SUMF1: variants seen among roughly 807,000 people sequenced by gnomAD.
SUMF1 encodes formylglycine-generating enzyme.
In SUMF1, 48 loss-of-function variants were observed where a neutral mutation model predicts 47.6. That is an observed-to-expected ratio of 1.01 (90% CI 0.80 to 1.28). The LOEUF (loss-of-function observed/expected upper bound fraction) is 1.28, where lower values mean the gene tolerates loss of function less well. Ranked by LOEUF, SUMF1 falls within the 50% of genes most tolerant of loss-of-function variation. The pLI, the probability that SUMF1 is intolerant of heterozygous loss-of-function variation, is 0.00. For synonymous variants in SUMF1, 230 were observed against 192.1 expected, an observed-to-expected ratio of 1.20 and a Z score of -1.63; for missense variants, 571 against 485.4, an observed-to-expected ratio of 1.18 and a Z score of -1.66.
At chr3:4,303,347 G>C in intron 8 of SUMF1, 1 of 1,530,294 alleles carries the variant, frequency 6.5e-7, no homozygotes, top group Non-Finnish European at 8.7e-7. Flanking sequence ...TGTCAGGGTA[G>C]TGGGCGTTGC....
intron 8 of SUMF1, among the ~76,000 whole-genome samples, chr3:4,129,891 G>C (rs748856614): frequency 1.3e-5 from 2 of 152,110 alleles, no homozygotes; most frequent in African/African-American, 2.4e-5. Flanking sequence ...CCCAGTGTCA[G>C]AATGCATAAT....
chr3:4,190,366 C>T (rs1201062830), intron 8 of SUMF1, among the ~76,000 whole-genome samples: 3 of 151,970 alleles, frequency 2.0e-5, no homozygotes, highest in East Asian at 3.9e-4. Flanking sequence ...CACATTACCA[C>T]GTAGGCTTGC....
At chr3:4,235,697 C>T (rs1237531452) in intron 8 of SUMF1, among the ~76,000 whole-genome samples, 1 of 152,012 alleles carries the variant, frequency 6.6e-6, no homozygotes, top group Admixed American at 6.6e-5. Context: ...GAACCTCATG[C>T]CCTCATATTT....
chr3:4,414,544 T>G (rs1701646114), intron 6 of SUMF1: 1 of 152,248 alleles, frequency 6.6e-6, no homozygotes, highest in South Asian at 2.1e-4. Flanking sequence ...TAAACACAGA[T>G]GGCAGCTGTC....
At chr3:4,267,603 G>C (rs1427920531) in intron 8 of SUMF1, among the ~76,000 whole-genome samples, 1 of 152,040 alleles carries the variant, frequency 6.6e-6, no homozygotes, top group African/African-American at 2.4e-5. Flanking sequence ...CTCAAAAGAA[G>C]ACATTTATGC....
intron 8 of SUMF1, among the ~76,000 whole-genome samples, chr3:4,217,992 T>C (rs144923956): frequency 1.3e-5 from 2 of 152,228 alleles, no homozygotes; most frequent in East Asian, 1.9e-4. Context: ...TTCAGTTTAA[T>C]ATCATGTTAT....
At chr3:4,185,561 G>T (rs1695184098) in intron 8 of SUMF1, among the ~76,000 whole-genome samples, 1 of 152,106 alleles carries the variant, frequency 6.6e-6, no homozygotes, top group African/African-American at 2.4e-5. Flanking sequence ...TCTCTAAACT[G>T]GGATAGCACA....
intron 9 of SUMF1, among the ~76,000 whole-genome samples, chr3:4,064,047 T>A (rs1337205800): frequency 6.6e-6 from 1 of 152,084 alleles, no homozygotes; most frequent in Admixed American, 6.6e-5. Context: ...AATGGCCCTG[T>A]CAGAGGCATT....
intron 8 of SUMF1, among the ~76,000 whole-genome samples, chr3:4,071,265 T>A (rs1455341112): frequency 6.6e-6 from 1 of 152,132 alleles, no homozygotes; most frequent in African/African-American, 2.4e-5. Context: ...CATTTCCAAC[T>A]GAGGAACCTG....
chr3:4,342,881 C>T (rs1395494978), intron 8 of SUMF1, among the ~76,000 whole-genome samples: 1 of 152,210 alleles, frequency 6.6e-6, no homozygotes, highest in South Asian at 2.1e-4. Flanking sequence ...TCCTGGCAAC[C>T]TCTTTCCTCT....
rs1559312295 is a variant in SUMF1, at chr3:4,456,714, A to ATATGTGTG, written c.271-3666_271-3665insCACACATA. ...TGTGTATATATATATACGTATATAT[A>ATATGTGTG]TACATATATATACGTGTGTATATAT... On this transcript the variant is annotated intron_variant, in intron 1 of 8. Coordinates refer to ENST00000272902, the MANE Select transcript of SUMF1 (RefSeq NM_182760.4). Among the ~76,000 whole-genome samples, 694 of 133,240 alleles carry ATATGTGTG rather than the reference A, an allele frequency of 5.2e-3. 34 individuals are homozygous for ATATGTGTG. The highest frequency in any genetic ancestry group is 0.019 in the East Asian group (82 of 4,368). 87.4% of individuals were successfully genotyped at this position (133,240 alleles called of 152,430 possible).
intron 9 of SUMF1, among the ~76,000 whole-genome samples, chr3:4,038,496 G>A (rs1424521657): frequency 6.6e-6 from 1 of 152,130 alleles, no homozygotes; most frequent in African/African-American, 2.4e-5. Flanking sequence ...TGCTCCCGGG[G>A]GATCCGCCTC....
rs1565589 is a variant in SUMF1, at chr3:4,447,172, T to C, written c.519+2094A>G. ...GTTGTGTGATTTTCTGTATTTGTCT[T>C]ATTTTACCAAAAAAAGATTTTTTTA... On this transcript the variant is annotated intron_variant, in intron 3 of 8. Transcript: ENST00000272902. 5.2e-3 allele frequency among the ~76,000 whole-genome samples: 796 copies of C among 152,214 alleles called. 29 individuals carry two copies. The highest frequency in any genetic ancestry group is 0.043 in the Admixed American group (655 of 15,290).
At position 4,080,517 on chromosome 3, in the gene SUMF1, A is replaced by C. The variant is rs1692536453; in HGVS notation, c.1015-11772T>G. 1.3e-5 allele frequency among the ~76,000 whole-genome samples: 2 copies of C among 152,208 alleles called. 1 individual carries two copies. The highest frequency in any genetic ancestry group is 1.3e-4 in the Admixed American group (2 of 15,288). ...CCTGGGAACCCTGCTTCAAAATCTG[A>C]TGCCAAATCTAAAACACTGGACAAA... On this transcript the variant is annotated intron_variant and NMD_transcript_variant, in intron 8 of 12. Transcript: ENST00000448413.
At chr3:4,458,344 G>C (rs1027426418) in intron 1 of SUMF1, among the ~76,000 whole-genome samples, 14 of 152,076 alleles carry the variant, frequency 9.2e-5, no homozygotes, top group African/African-American at 3.4e-4. Flanking sequence ...TCTGCAAACA[G>C]AATTACCATA....
chr3:4,253,717 G>C (rs936531984), intron 8 of SUMF1, among the ~76,000 whole-genome samples: 2 of 148,956 alleles, frequency 1.3e-5, no homozygotes, highest in Non-Finnish European at 3.0e-5. Context: ...GCTTGATTAG[G>C]TAAACAAAGC....
In SUMF1 at chr3:4,374,053, A is replaced by G. The variant is rs187649667; in HGVS notation, c.1014+2277T>C. Among the ~76,000 whole-genome samples, 29 of 152,332 alleles carry G rather than the reference A, an allele frequency of 1.9e-4. 1 individual carries two copies. The highest frequency in any genetic ancestry group is 5.5e-4 in the African/African-American group (23 of 41,576). ...CTTTCTCAAGCTGTAAAGGGCATGC[A>G]TCTATGAAAAAGCTATTGCTAATAC... On this transcript the variant is annotated intron_variant, in intron 8 of 8. Transcript: ENST00000272902.
chr3:4,088,705 G>A (rs1043036794), intron 8 of SUMF1, among the ~76,000 whole-genome samples: 1 of 152,048 alleles, frequency 6.6e-6, no homozygotes, highest in African/African-American at 2.4e-5. Flanking sequence ...GATGGAGCCT[G>A]ACATATATAA....
At chr3:4,077,306 G>C (rs1224222474) in intron 8 of SUMF1, among the ~76,000 whole-genome samples, 1 of 152,096 alleles carries the variant, frequency 6.6e-6, no homozygotes, top group Non-Finnish European at 1.5e-5. Flanking sequence ...CCATTACTGG[G>C]TATATACCCA....
Sources: allele counts gnomAD v4.1 joint callset (sites outside exome capture counted in the v4.1 genomes callset), GRCh38; gene constraint gnomAD v4.1.1; transcripts MANE v1.5; gene names NCBI Gene and HGNC (gene_info 2026-07-23, HGNC 2026-07-21).